Variants in COG6 observed in about 807,000 individuals in gnomAD.
The protein encoded by COG6 is component of oligomeric golgi complex 6.
COG6 carries 74 observed loss-of-function variants against 88.8 expected under a neutral mutation model. That is an observed-to-expected ratio of 0.83 (90% confidence interval 0.69 to 1.01). The LOEUF (loss-of-function observed/expected upper bound fraction) is 1.01, where lower values mean the gene tolerates loss of function less well. Ranked by LOEUF, COG6 falls within the 50% of genes least tolerant of loss-of-function variation. The pLI, the probability that COG6 is intolerant of heterozygous loss-of-function variation, is 0.00. For missense variants in COG6, 800 were observed against 797.9 expected (o/e 1.00, Z -0.03); for synonymous variants, 286 against 278.7 (o/e 1.03, Z -0.26).
Position 39,660,850 on chromosome 13 carries a change from A to G in COG6, c.338A>G (p.Asn113Ser), listed in dbSNP as rs747786524. ...AGCGAAGATGTTCAAGCAATGAGCA[A>G]CTGTTGTCAAGATATGACAAGTCGC... The part of the protein sequence containing the change: ...SISEDVQAMS[N>S]CCQDMTSRLQ... Residue 113 changes from asparagine (N) to serine (S), a missense_variant, in exon 3 of 19, where the codon AAC becomes AGC. Coordinates refer to ENST00000455146, the MANE Select transcript of COG6 (RefSeq NM_020751.3). The G allele has an allele frequency of 1.6e-5, 25 of 1,610,624 alleles. No homozygotes were observed. Among genetic ancestry groups the G allele is most frequent in the East Asian group, 2.2e-5 (1 of 44,756 alleles).
intron 18 of COG6, among the ~76,000 whole-genome samples, chr13:39,777,132 G>A (rs1047425680): frequency 3.3e-5 from 5 of 152,166 alleles, no homozygotes; most frequent in African/African-American, 1.2e-4. Context: ...CAGACACTGA[G>A]AAGGCAAGGT....
downstream of COG6, among the ~76,000 whole-genome samples, chr13:39,756,894 C>T (rs1880853382): frequency 6.6e-6 from 1 of 151,942 alleles, no homozygotes; most frequent in Non-Finnish European, 1.5e-5. Context: ...GTACTTGGAG[C>T]TGAAATGAAA....
At chr13:39,696,318 A>C (rs1043776099) in intron 12 of COG6, among the ~76,000 whole-genome samples, 1 of 151,990 alleles carries the variant, frequency 6.6e-6, no homozygotes, top group East Asian at 1.9e-4. Flanking sequence ...GGAGACAAGC[A>C]AGTACAAAAT....
At chr13:39,769,416 G>A (rs1379369173) in intron 18 of COG6, among the ~76,000 whole-genome samples, 1 of 152,200 alleles carries the variant, frequency 6.6e-6, no homozygotes, top group Non-Finnish European at 1.5e-5. Context: ...ATGAATTCCA[G>A]CTGTTGGCCG....
chr13:39,660,757 A>G, intron 2 of COG6, 53 bp from the exon 3 acceptor site: 1 of 1,155,680 alleles, frequency 8.7e-7, no homozygotes, highest in Non-Finnish European at 1.3e-6. Context: ...AACAGAAGAG[A>G]ATCTTCTTCT....
chr13:39,751,461 A>G lies in COG6; in HGVS notation c.*368A>G. The stretch of plus-strand genomic sequence containing the variant: ...ATAAAAAATTTGTCTAAATTTAATA[A>G]TTAGTATAAGGATATGACCTAATAA... On this transcript the variant is annotated 3_prime_UTR_variant, in exon 19 of 19. Coordinates refer to ENST00000455146, the MANE Select transcript of COG6 (RefSeq NM_020751.3). 8.0e-7 allele frequency: 1 copy of G among 1,256,216 alleles called. No individual in the cohort carries two copies. Among genetic ancestry groups the G allele is most frequent in the Non-Finnish European group, 1.0e-6 (1 of 962,748 alleles). The allele number at this position is 1,256,216 out of a possible 1,614,324, so 77.8% of individuals were successfully genotyped here.
chr13:39,728,824 C>T (rs1879281656), intron 18 of COG6, among the ~76,000 whole-genome samples: 1 of 151,964 alleles, frequency 6.6e-6, no homozygotes, highest in African/African-American at 2.4e-5. Flanking sequence ...ACCTCCACAC[C>T]TGGCTAATTT....
Position 39,719,065 on chromosome 13 carries a change from C to G in COG6, c.1285-171C>G, listed in dbSNP as rs58293998. Reference sequence around the variant, plus strand: ...AATCTGACAAAGAACTTTTCTCTCACTTTGTGTGCTGTTAATATAGTTCAA... The same window carrying G: ...AATCTGACAAAGAACTTTTCTCTCAGTTTGTGTGCTGTTAATATAGTTCAA... On this transcript the variant is annotated intron_variant, in intron 13 of 18. Coordinates refer to ENST00000455146, the MANE Select transcript of COG6 (RefSeq NM_020751.3). 6.1e-3 allele frequency among the ~76,000 whole-genome samples: 924 copies of G among 152,222 alleles called. 8 individuals are homozygous for G. Among genetic ancestry groups the G allele is most frequent in the African/African-American group, 0.021 (854 of 41,540 alleles).
intron 12 of COG6, among the ~76,000 whole-genome samples, chr13:39,697,361 A>G (rs963444256): frequency 6.6e-6 from 1 of 151,864 alleles, no homozygotes; most frequent in Non-Finnish European, 1.5e-5. Flanking sequence ...GGGAAGGAAT[A>G]GTGGTGAAGT....
At chr13:39,688,450 G>A (rs944402287) in intron 10 of COG6, among the ~76,000 whole-genome samples, 6 of 152,104 alleles carry the variant, frequency 3.9e-5, no homozygotes, top group African/African-American at 1.4e-4. Flanking sequence ...GGCAAAAGGG[G>A]AAGAGCCAGC....
intron 4 of COG6, among the ~76,000 whole-genome samples, chr13:39,672,253 A>G (rs1409587052): frequency 1.3e-5 from 2 of 151,992 alleles, no homozygotes; most frequent in Non-Finnish European, 2.9e-5. Flanking sequence ...CAAAAGGTAG[A>G]TCCTTTTTTG....
At chr13:39,683,974 A>G (rs1876475656) in intron 8 of COG6, among the ~76,000 whole-genome samples, 1 of 152,124 alleles carries the variant, frequency 6.6e-6, no homozygotes, top group Non-Finnish European at 1.5e-5. Context: ...AATAGTGCCT[A>G]TTTTACAGGG....
rs9576884 is a variant in COG6, at chr13:39,668,778, A to C, written c.428+3624A>C. Among the ~76,000 whole-genome samples, 75 of 148,236 alleles carry C rather than the reference A, an allele frequency of 5.1e-4. No homozygotes were observed. The East Asian group carries it at 0.014, about 28-fold the overall frequency. On this transcript the variant is annotated intron_variant, in intron 4 of 18. Transcript: ENST00000455146. ...ACTCCAGCCTGGGCGACAGAGCGAGACTCCGTCTCAAAAAAAAAAAAAAAG... is the reference window on the plus strand; with the variant it reads ...ACTCCAGCCTGGGCGACAGAGCGAGCCTCCGTCTCAAAAAAAAAAAAAAAG...
chr13:39,678,385 A>G (rs922763327), intron 5 of COG6, among the ~76,000 whole-genome samples: 7 of 151,944 alleles, frequency 4.6e-5, no homozygotes, highest in Non-Finnish European at 1.0e-4. Flanking sequence ...CACATTTTTC[A>G]TTTTCATTAC....
At chr13:39,779,089 CA>C (rs1270031130) in intron 18 of COG6, among the ~76,000 whole-genome samples, 44 of 152,326 alleles carry the variant, frequency 2.9e-4, no homozygotes, top group African/African-American at 1.1e-3. Flanking sequence ...TAAACTGTCA[CA>C]CTGCGTGACC....
At chr13:39,747,875 A>G (rs1359376117) in intron 18 of COG6, among the ~76,000 whole-genome samples, 2 of 152,224 alleles carry the variant, frequency 1.3e-5, no homozygotes, top group African/African-American at 2.4e-5. Flanking sequence ...AGTTTCAACA[A>G]TACTACATTT....
Position 39,682,301 on chromosome 13 carries a change from C to T in COG6, c.788+37C>T, listed in dbSNP as rs779931723. 14 of 1,262,722 alleles carry T rather than the reference C, an allele frequency of 1.1e-5. No homozygotes were observed. In the African/African-American group the frequency reaches 1.9e-4, roughly 17 times the overall value. The allele number at this position is 1,262,722 out of a possible 1,614,324, so 78.2% of individuals were successfully genotyped here. On this transcript the variant is annotated intron_variant, in intron 8 of 18. Coordinates refer to ENST00000455146, the MANE Select transcript of COG6 (RefSeq NM_020751.3). ...TTTCTTAATTAAAAATGAAAGCCTA[C>T]TTTTCTTTTGATATCTTACTTTAAA...
intron 13 of COG6, among the ~76,000 whole-genome samples, chr13:39,708,785 T>A (rs1423493230): frequency 2.0e-5 from 3 of 152,226 alleles, no homozygotes; most frequent in Non-Finnish European, 2.9e-5. Context: ...GTCATCTTTG[T>A]CCTTAGCTAC....
chr13:39,725,097 A>G (rs1054515810), intron 17 of COG6, among the ~76,000 whole-genome samples: 2 of 151,836 alleles, frequency 1.3e-5, no homozygotes, highest in East Asian at 1.9e-4. Flanking sequence ...TCTTAAATAC[A>G]TATACTTTCC....
Sources: gnomAD v4.1 joint callset for allele counts (sites outside exome capture counted in the v4.1 genomes callset) on GRCh38, gnomAD v4.1.1 for gene constraint, MANE v1.5 for transcripts, NCBI Gene and HGNC (gene_info 2026-07-23, HGNC 2026-07-21) for gene names.